Variants in FASN observed in about 807,000 individuals in gnomAD.
FASN encodes fatty acid synthase, also known as 3-hydroxyacyl-[acyl-carrier-protein] dehydratase.
A neutral mutation model predicts 250.0 loss-of-function variants in FASN; 50 were observed. That is an observed-to-expected ratio of 0.20 (90% CI 0.16 to 0.25). The LOEUF (loss-of-function observed/expected upper bound fraction) is 0.25, where lower values mean the gene tolerates loss of function less well. FASN is among the 10% of genes least tolerant of loss of function. FASN has a pLI of 1.00. For missense variants in FASN, 3,031 were observed against 3,498.5 expected (o/e 0.87, Z 3.37); for synonymous variants, 1,909 against 1,584.0 (o/e 1.21, Z -4.87).
rs776823751 is a variant in FASN at position 82,091,011 on chromosome 17, T to G, written c.1551A>C (p.Arg517=). 10 of 1,612,750 alleles carry G rather than the reference T, an allele frequency of 6.2e-6. No homozygotes were observed. In the East Asian group the frequency reaches 2.2e-4, roughly 36 times the overall value. The stretch of plus-strand genomic sequence containing the variant: ...CCTCATCGGAGCGTAGGATGGAATC[T>G]CGGAAGCGGTCCAGGCGCATGAGGC... ...GLSLMRLDRF[R]DSILRSDEAV... Residue 517 remains arginine, a synonymous_variant, in exon 10 of 43, where the codon CGA becomes CGC. Transcript: ENST00000306749.
rs199640764 is a variant in FASN at position 82,089,676 on chromosome 17, C to T, written c.1921G>A (p.Ala641Thr). The change falls in exon 12 of 43, where the codon GCC becomes ACC. Residue 641 changes from alanine to threonine, a missense_variant. Coordinates refer to ENST00000306749, the MANE Select transcript of FASN (RefSeq NM_004104.5). ...ACTGTGTCCTTGGAGTTGTGGCAGG[C>T]GGGCACCACGCCCGGGGGGCAGCGC... is the stretch of plus-strand genomic sequence containing the variant. Reference protein sequence around the residue: ...KQRCPPGVVPACHNSKDTVTI... With the variant: ...KQRCPPGVVPTCHNSKDTVTI... 1.9e-6 allele frequency: 3 copies of T among 1,576,670 alleles called. No individual in the cohort carries two copies. The highest frequency in any genetic ancestry group is 2.4e-5 in the East Asian group (1 of 42,442).
At chr17:82,093,051 C>A in intron 5 of FASN, 32 bp from the exon 6 acceptor site, 1 of 1,609,056 alleles carries the variant, frequency 6.2e-7, no homozygotes, top group Non-Finnish European at 8.5e-7. Context: ...GCCCGGGGCT[C>A]AGCCCCACGC....
At chr17:82,096,765 G>A (rs771701996) in intron 1 of FASN, 44 of 412,824 alleles carry the variant, frequency 1.1e-4, no homozygotes, top group South Asian at 5.1e-4. Flanking sequence ...TGGTTTCTGC[G>A]CCTGTGTCGG....
At position 82,088,284 on chromosome 17, in the gene FASN, G is replaced by A. The variant is rs2034141524; in HGVS notation, c.2617C>T (p.His873Tyr). 6.2e-7 allele frequency: 1 copy of A among 1,606,444 alleles called. No individual in the cohort carries two copies. Among genetic ancestry groups the A allele is most frequent in the African/African-American group, 1.3e-5 (1 of 75,054 alleles). The change falls in exon 17 of 43, where the codon CAC (histidine) becomes TAC (tyrosine). Residue 873 changes from histidine (H) to tyrosine (Y), a missense_variant. Physicochemically the swap from His to Tyr is moderately conservative, Grantham distance 83 (BLOSUM62 2). Transcript: ENST00000306749. ...NIDTSSESPD[H>Y]YLVDHTLDGR... is the part of the protein sequence containing the mutation. The stretch of plus-strand genomic sequence containing the variant: ...TCGAGGGTGTGGTCCACCAGGTAGT[G>A]GTCAGGAGACTCGGAGCTGGTGTCT...
chr17:82,095,370 G>C lies in FASN; in HGVS notation c.230C>G (p.Pro77Arg). 1 of 1,612,988 alleles carries C rather than the reference G, an allele frequency of 6.2e-7. No homozygotes were observed. ...GACTTCCAGCAGCAGCCGCAGCTGA[G>C]GGTCCATCGTGTGTGCCTGCTTGGG... ...VHPKQAHTMD[P>R]QLRLLLEVTY... The change falls in exon 3 of 43, where the codon CCT (proline) becomes CGT (arginine). Residue 77 changes from proline to arginine, a missense_variant. Pro to Arg is a moderately radical substitution (Grantham distance 103, BLOSUM62 -2). Transcript: ENST00000306749.
intron 37 of FASN, 45 bp from the exon 38 acceptor site, chr17:82,081,397 G>A: frequency 6.4e-7 from 1 of 1,560,396 alleles, no homozygotes; most frequent in Non-Finnish European, 8.6e-7. Flanking sequence ...GGGGCATGGG[G>A]ACGGCCTGTA....
rs149610481 is a variant in FASN, at chr17:82,088,297, G to C, written c.2604C>G (p.Ser868=). 1 of 1,606,710 alleles carries C rather than the reference G, an allele frequency of 6.2e-7. No homozygotes were observed. Among genetic ancestry groups the C allele is most frequent in the Admixed American group, 1.7e-5 (1 of 60,018 alleles). The change falls in exon 17 of 43, where the codon TCC becomes TCG. Residue 868 remains serine, a synonymous_variant. Transcript: ENST00000306749. The part of the protein sequence containing the change: ...SAAIYNIDTS[S]ESPDHYLVDH... ...CCACCAGGTAGTGGTCAGGAGACTC[G>C]GAGCTGGTGTCTGCGGGAGGGCACA...
intron 3 of FASN, chr17:82,094,148 G>A (rs141983457): frequency 1.4e-5 from 5 of 368,310 alleles, no homozygotes; most frequent in Non-Finnish European, 1.6e-5. Context: ...CAGCTCTGAT[G>A]AGCCCGTCGG....
In FASN at chr17:82,083,632, G is replaced by A. The variant is rs1415728060; in HGVS notation, c.5226C>T (p.Asp1742=). Residue 1742 remains aspartate (D), a synonymous_variant, in exon 31 of 43, where the codon GAC becomes GAT. Coordinates refer to ENST00000306749, the MANE Select transcript of FASN (RefSeq NM_004104.5). ...VLWHTGGKGV[D]LVLNSLAEEK... ...CTTCCGCCAAGGAGTTCAAGACCAG[G>A]TCAACGCCTAGGGGGCCAGAGGGGC... The A allele has an allele frequency of 2.5e-6, 4 of 1,608,658 alleles. No individual in the cohort carries two copies. The African/African-American group carries it at 5.3e-5, about 21-fold the overall frequency.
chr17:82,081,388 G>C, intron 37 of FASN, 36 bp from the exon 38 acceptor site: 1 of 1,560,344 alleles, frequency 6.4e-7, no homozygotes, highest in Non-Finnish European at 8.7e-7. Flanking sequence ...ACTCCAGAGG[G>C]GGCATGGGGA....
intron 41 of FASN, 114 bp from the exon 42 acceptor site, chr17:82,079,722 G>A: frequency 7.1e-7 from 1 of 1,408,868 alleles, no homozygotes; most frequent in Non-Finnish European, 9.4e-7. Context: ...TTGTTACCCA[G>A]GCTAGATGGA....
chr17:82,085,994 G>A, intron 22 of FASN, 123 bp from the exon 23 acceptor site: 4 of 1,302,048 alleles, frequency 3.1e-6, no homozygotes, highest in African/African-American at 1.5e-5. Flanking sequence ...TGATGACGGT[G>A]CCAGCCATGG....
rs1362221150 is a variant in FASN at position 82,092,882 on chromosome 17, C to T, written c.778+15G>A. On this transcript the variant is annotated intron_variant, in intron 6 of 42. Transcript: ENST00000306749. The stretch of plus-strand genomic sequence containing the variant: ...CACCTGCCCCCCAGCACCCCGGAAC[C>T]CCGGCAGAGCCCACCTTGCTCCTTG... The T allele has an allele frequency of 6.3e-7, 1 of 1,595,774 alleles. No individual in the cohort carries two copies. The highest frequency in any genetic ancestry group is 8.5e-7 in the Non-Finnish European group (1 of 1,171,956).
chr17:82,092,940 G>A lies in FASN; in HGVS notation c.735C>T (p.Thr245=). The change falls in exon 6 of 43, where the codon ACC becomes ACT. Residue 245 remains threonine, a synonymous_variant. Transcript: ENST00000306749. Reference sequence around the variant, plus strand: ...CTGTATTGGTGCCGGCGTTCAGGATGGTGGCGTACACCCGCCGGGCCAGGG... The same window carrying A: ...CTGTATTGGTGCCGGCGTTCAGGATAGTGGCGTACACCCGCCGGGCCAGGG... The part of the protein sequence containing the change: ...KKSLARRVYA[T]ILNAGTNTDG... The A allele has an allele frequency of 6.2e-7, 1 of 1,609,624 alleles. No individual in the cohort carries two copies. Among genetic ancestry groups the A allele is most frequent in the Non-Finnish European group, 8.5e-7 (1 of 1,178,748 alleles).
chr17:82,096,174 G>A, intron 2 of FASN, 145 bp downstream of exon 2: 2 of 1,325,710 alleles, frequency 1.5e-6, no homozygotes, highest in African/African-American at 2.9e-5. Flanking sequence ...CCTCGCCCAT[G>A]GGTGACCAGT....
chr17:82,084,175 C>T (rs781406147), intron 28 of FASN, 22 bp from the exon 29 acceptor site: 3 of 1,605,230 alleles, frequency 1.9e-6, no homozygotes, highest in East Asian at 2.3e-5. Context: ...GCAGGTGGGT[C>T]AGCACAGGCC....
At position 82,088,025 on chromosome 17, in the gene FASN, G is replaced by A. The variant is rs146356200; in HGVS notation, c.2795C>T (p.Ser932Phe). 8 of 1,612,650 alleles carry A rather than the reference G, an allele frequency of 5.0e-6. No individual in the cohort carries two copies. The highest frequency in any genetic ancestry group is 2.2e-5 in the East Asian group (1 of 44,882). ...ATILPKTGTV[S>F]LEVRLLEASR... is the part of the protein sequence containing the mutation. ...GGCCTCCAGGAGCCGTACCTCCAGG[G>A]ACACTGTCCCTGCAGAGCGGGAGAG... Residue 932 changes from serine to phenylalanine, a missense_variant, in exon 18 of 43, where the codon TCC becomes TTC. By Grantham distance (155) the Ser-to-Phe change is radical. Transcript: ENST00000306749.
intron 4 of FASN, 33 bp from the exon 5 acceptor site, chr17:82,093,452 C>T (rs746024865): frequency 1.3e-6 from 2 of 1,587,962 alleles, no homozygotes; most frequent in Admixed American, 3.6e-5. Flanking sequence ...TCAGGTGGGG[C>T]TGTGAGCACA....
rs1214333176 is a variant in FASN at position 82,091,559 on chromosome 17, G to A, written c.1155C>T (p.Gly385=). The stretch of plus-strand genomic sequence containing the variant: ...CAAAGGAGTTGATGCCCACGTTGCC[G>A]CCACGGACGGGCAGGGGCTGGTCCA... ...QVVDQPLPVR[G]GNVGINSFGF... is the part of the protein sequence containing the mutation. Residue 385 remains glycine, a synonymous_variant, in exon 9 of 43, where the codon GGC becomes GGT. Transcript: ENST00000306749. The A allele has an allele frequency of 4.4e-6, 7 of 1,591,968 alleles. No homozygotes were observed. Among genetic ancestry groups the A allele is most frequent in the Non-Finnish European group, 5.1e-6 (6 of 1,170,706 alleles).
Sources: gnomAD v4.1 joint callset for allele counts on GRCh38, gnomAD v4.1.1 for gene constraint, MANE v1.5 for transcripts, NCBI Gene and HGNC (gene_info 2026-07-23, HGNC 2026-07-21) for gene names.